The following PHRF1 variants were observed in gnomAD, a reference collection of about 807,000 sequenced individuals.
PHRF1 encodes the protein PHD and RING finger domain-containing protein 1.
PHRF1 carries 53 observed loss-of-function variants against 128.9 expected under a neutral mutation model. The ratio of observed to expected loss-of-function variants is 0.41; its 90% confidence interval spans 0.33 to 0.52. The LOEUF (loss-of-function observed/expected upper bound fraction) is 0.52. Among genes scored for constraint, PHRF1 ranks in the 20% least tolerant of loss-of-function variants. The pLI, the probability that PHRF1 is intolerant of heterozygous loss-of-function variation, is 0.21. For missense variants in PHRF1, 2,503 were observed against 2,284.5 expected, an observed-to-expected ratio of 1.10 and a Z score of -1.95; for synonymous variants, 1,178 against 980.6, an observed-to-expected ratio of 1.20 and a Z score of -3.76.
At chr11:598,226 G>C in intron 8 of PHRF1, 147 bp from the exon 9 acceptor site, 1 of 1,193,258 alleles carries the variant, frequency 8.4e-7, no homozygotes, top group Non-Finnish European at 1.1e-6. Context: ...GAGGAAGGCC[G>C]GGCCGTGGCT....
intron 6 of PHRF1, 57 bp downstream of exon 6, chr11:592,731 G>T (rs1431879355): frequency 1.3e-6 from 2 of 1,562,848 alleles, no homozygotes; most frequent in African/African-American, 2.7e-5. Context: ...CGGGCCAGGC[G>T]CAGGAGGGAT....
At chr11:591,352 C>T in intron 4 of PHRF1, 32 bp from the exon 5 acceptor site, 5 of 1,562,438 alleles carry the variant, frequency 3.2e-6, no homozygotes, top group Non-Finnish European at 4.4e-6. Flanking sequence ...AAGTGATTGA[C>T]AAGATTCTGA....
rs1177826526 is a variant in PHRF1, at chr11:592,303, G to A, written c.505-256G>A. Among the ~76,000 whole-genome samples the A allele has an allele frequency of 9.9e-5, 15 of 151,990 alleles. No individual in the cohort carries two copies. The East Asian group carries it at 2.9e-3, about 29-fold the overall frequency. ...TCGCCCTACTGCGGCCCACTTTGGG[G>A]CCGCAGGGCTTACCCGCTCCTTTCC... On this transcript the variant is annotated intron_variant, in intron 5 of 17. Coordinates refer to ENST00000264555, the MANE Select transcript of PHRF1 (RefSeq NM_001286581.2).
chr11:592,477 C>G, intron 5 of PHRF1, 82 bp from the exon 6 acceptor site: 1 of 1,385,384 alleles, frequency 7.2e-7, no homozygotes, highest in South Asian at 1.2e-5. Context: ...TGGGTGGATT[C>G]TGGATTAACT....
intron 5 of PHRF1, among the ~76,000 whole-genome samples, chr11:591,995 A>C (rs915191075): frequency 6.0e-5 from 9 of 149,824 alleles, no homozygotes; most frequent in Non-Finnish European, 1.0e-4. Flanking sequence ...GGCTCACTGC[A>C]AGCTCTGCCT....
intron 9 of PHRF1, among the ~76,000 whole-genome samples, chr11:600,872 AGGAGAATGG>A (rs1478782418): frequency 2.0e-5 from 3 of 152,178 alleles, no homozygotes; most frequent in Non-Finnish European, 4.4e-5. Context: ...AGGCTGAGGC[AGGAGAATGG>A]CGTGAACCTG....
At chr11:610,065 C>T (rs1856268496) in intron 14 of PHRF1, 131 bp from the exon 15 acceptor site, 2 of 1,210,016 alleles carry the variant, frequency 1.7e-6, no homozygotes, top group South Asian at 1.7e-5. Flanking sequence ...CCCCTTGGTG[C>T]TGGGGGTGGA....
At chr11:610,474 A>G (rs748601046) in intron 15 of PHRF1, 27 bp from the exon 16 acceptor site, 7 of 1,591,386 alleles carry the variant, frequency 4.4e-6, no homozygotes, top group Non-Finnish European at 4.3e-6. Context: ...TGTAGGGCCC[A>G]GTGCTCAGCA....
intron 1 of PHRF1, among the ~76,000 whole-genome samples, chr11:577,562 C>G (rs1292909789): frequency 6.6e-6 from 1 of 152,282 alleles, no homozygotes; most frequent in African/African-American, 2.4e-5. Context: ...CATGACAAGC[C>G]TGGCCTTGGC....
chr11:607,308 A>G lies in PHRF1; in HGVS notation c.1852A>G (p.Asn618Asp), dbSNP rs1856010931. Residue 618 changes from asparagine (N) to aspartate (D), a missense_variant, in exon 14 of 18, where the codon AAT (asparagine) becomes GAT (aspartate). By Grantham distance (23) the Asn-to-Asp change is conservative (BLOSUM62 1). Transcript: ENST00000264555. ...PGAVQARNLS[N>D]GSVPGFRQSH... ...GGCGGTTCAGGCTCGGAACTTGTCA[A>G]ATGGGAGTGTGCCTGGCTTCAGACA... The G allele has an allele frequency of 6.2e-7, 1 of 1,612,650 alleles. No homozygotes were observed. The highest frequency in any genetic ancestry group is 8.5e-7 in the Non-Finnish European group (1 of 1,179,872).
intron 17 of PHRF1, 142 bp from the exon 18 acceptor site, chr11:611,492 C>G: frequency 8.3e-7 from 1 of 1,199,460 alleles, no homozygotes; most frequent in Non-Finnish European, 1.2e-6. Flanking sequence ...GGTGGGGCGG[C>G]CTCTGCCGCC....
At chr11:588,385 T>G (rs1854714234) in intron 4 of PHRF1, among the ~76,000 whole-genome samples, 1 of 152,068 alleles carries the variant, frequency 6.6e-6, no homozygotes, top group African/African-American at 2.4e-5. Context: ...TTCTTTTTTT[T>G]TTTGTTTTTT....
At chr11:578,541 C>T (rs562006481) in intron 1 of PHRF1, among the ~76,000 whole-genome samples, 16 of 152,336 alleles carry the variant, frequency 1.1e-4, no homozygotes, top group African/African-American at 1.4e-4. Context: ...GGGGCAAGCC[C>T]TGCCATTGCC....
rs1023730313 is a variant in PHRF1 at position 601,510 on chromosome 11, TCA to T, written c.1025-61_1025-60del. ...TTGGGCTCCGTCCACTGGGCTGGAC[TCA>T]CAGGAATGGGGCAGGGAGGGCCCAG... On this transcript the variant is annotated intron_variant, in intron 9 of 17. Transcript: ENST00000264555. 215 of 1,603,642 alleles carry T rather than the reference TCA, an allele frequency of 1.3e-4. 1 individual carries two copies. In the Admixed American group the frequency reaches 3.7e-3, roughly 27 times the overall value.
At chr11:590,296 G>A (rs1270223040) in intron 4 of PHRF1, among the ~76,000 whole-genome samples, 5 of 152,240 alleles carry the variant, frequency 3.3e-5, no homozygotes, top group South Asian at 2.1e-4. Flanking sequence ...AGAAACAGGA[G>A]TGCGCCCACA....
chr11:593,687 G>A (rs900232701), intron 6 of PHRF1, among the ~76,000 whole-genome samples: 16 of 152,310 alleles, frequency 1.1e-4, no homozygotes, highest in African/African-American at 3.6e-4. Context: ...TTGTCTCATC[G>A]TCAGTTCGCC....
intron 3 of PHRF1, 53 bp from the exon 4 acceptor site, chr11:587,206 C>A: frequency 1.3e-6 from 2 of 1,565,550 alleles, no homozygotes; most frequent in Admixed American, 1.8e-5. Flanking sequence ...CCTCCAGTGC[C>A]GCGGTTCACG....
At position 611,786 on chromosome 11, in the gene PHRF1, A is replaced by G; in HGVS notation, c.*9A>G. 1.3e-6 allele frequency: 2 copies of G among 1,594,002 alleles called. No homozygotes were observed. Among genetic ancestry groups the G allele is most frequent in the Non-Finnish European group, 1.7e-6 (2 of 1,171,492 alleles). ...AGGGGGCCGAGGGCTGAGGCCAGGCAATCACGGGCTATGCCCGGGGAGCTG... is the reference window on the plus strand; with the variant it reads ...AGGGGGCCGAGGGCTGAGGCCAGGCGATCACGGGCTATGCCCGGGGAGCTG... On this transcript the variant is annotated 3_prime_UTR_variant, in exon 18 of 18. Transcript: ENST00000264555.
At chr11:583,490 C>T (rs1482771855) in intron 3 of PHRF1, among the ~76,000 whole-genome samples, 2 of 152,198 alleles carry the variant, frequency 1.3e-5, no homozygotes, top group Admixed American at 6.6e-5. Context: ...ACACTCCAGC[C>T]TGGGCCACAG....
Sources: gnomAD v4.1 joint callset for allele counts (sites outside exome capture counted in the v4.1 genomes callset) on GRCh38, gnomAD v4.1.1 for gene constraint, MANE v1.5 for transcripts, NCBI Gene and HGNC (gene_info 2026-07-23, HGNC 2026-07-21) for gene names.